The following CNTNAP2 variants were observed in gnomAD, a reference collection of about 807,000 sequenced individuals.
CNTNAP2 encodes the protein contactin-associated protein-like 2.
CNTNAP2 carries 98 observed loss-of-function variants against 155.2 expected under a neutral mutation model. That is an observed-to-expected ratio of 0.63 (90% CI 0.54 to 0.75). CNTNAP2 has a LOEUF of 0.75. CNTNAP2 is among the 30% of genes least tolerant of loss of function. The pLI, the probability that CNTNAP2 is intolerant of heterozygous loss-of-function variation, is 0.00. For synonymous variants in CNTNAP2, 651 were observed against 631.2 expected (o/e 1.03, Z -0.47); for missense variants, 1,727 against 1,688.1 (o/e 1.02, Z -0.40).
At chr7:146,804,361 A>T (rs764383805) in intron 2 of CNTNAP2, among the ~76,000 whole-genome samples, 4 of 152,192 alleles carry the variant, frequency 2.6e-5, no homozygotes, top group Non-Finnish European at 5.9e-5. Flanking sequence ...AGGATTCCAA[A>T]TCATTTAAAA....
chr7:148,408,884 A>T (rs1181103877), intron 22 of CNTNAP2, among the ~76,000 whole-genome samples: 2 of 152,192 alleles, frequency 1.3e-5, no homozygotes, highest in African/African-American at 2.4e-5. Flanking sequence ...TTGAATTATT[A>T]CCCCCTTACA....
At chr7:148,217,124 T>A (rs564472550) in intron 18 of CNTNAP2, among the ~76,000 whole-genome samples, 164 bp from the exon 19 acceptor site, 2 of 150,134 alleles carry the variant, frequency 1.3e-5, no homozygotes, top group African/African-American at 4.9e-5. Flanking sequence ...TTTTTTTTGA[T>A]AAGAGTATTT....
intron 1 of CNTNAP2, among the ~76,000 whole-genome samples, chr7:146,682,187 C>T (rs538740918): frequency 6.6e-6 from 1 of 152,126 alleles, no homozygotes; most frequent in Admixed American, 6.5e-5. Context: ...ATTAGAGTGA[C>T]CTAGTTTCCT....
chr7:148,120,233 C>T (rs1278639226), intron 16 of CNTNAP2, among the ~76,000 whole-genome samples: 1 of 147,994 alleles, frequency 6.8e-6, no homozygotes, highest in African/African-American at 2.5e-5. Context: ...TTCTACTCAG[C>T]CCTCGGGGTC....
intron 1 of CNTNAP2, among the ~76,000 whole-genome samples, chr7:146,140,955 C>G (rs897324607): frequency 6.6e-6 from 1 of 152,118 alleles, no homozygotes; most frequent in Admixed American, 6.6e-5. Context: ...GAATTTCCCA[C>G]CACCCAGTGA....
intron 11 of CNTNAP2, among the ~76,000 whole-genome samples, chr7:147,503,728 GTC>G (rs1798859073): frequency 1.3e-5 from 2 of 151,252 alleles, no homozygotes; most frequent in African/African-American, 4.9e-5. Flanking sequence ...TCTGTGTAAT[GTC>G]TCTGGTATTT....
At position 146,149,767 on chromosome 7, in the gene CNTNAP2, A is replaced by G. The variant is rs925448532; in HGVS notation, c.97+32794A>G. 2.6e-5 allele frequency among the ~76,000 whole-genome samples: 4 copies of G among 152,194 alleles called. No homozygotes were observed. The East Asian group carries it at 7.7e-4, about 29-fold the overall frequency. On this transcript the variant is annotated intron_variant, in intron 1 of 23. Coordinates refer to ENST00000361727, the MANE Select transcript of CNTNAP2 (RefSeq NM_014141.6). ...GTAATTATAGATGGCACATAGACCT[A>G]AATATAAAATCTTAAGCTCAAAAGT...
At chr7:148,301,025 G>A (rs1585254552) in intron 21 of CNTNAP2, among the ~76,000 whole-genome samples, 1 of 152,094 alleles carries the variant, frequency 6.6e-6, no homozygotes, top group East Asian at 1.9e-4. Flanking sequence ...GCCAGGCATG[G>A]TGGCTCACAC....
chr7:147,173,623 C>T lies in CNTNAP2; in HGVS notation c.1348+41114C>T, dbSNP rs191476897. On this transcript the variant is annotated intron_variant, in intron 8 of 23. Coordinates refer to ENST00000361727, the MANE Select transcript of CNTNAP2 (RefSeq NM_014141.6). ...TACTGACCCCCACTTCAGAAATGCT[C>T]GATCTGTATAAACCGTACAACTAGA... 1.1e-4 allele frequency among the ~76,000 whole-genome samples: 17 copies of T among 152,226 alleles called. 1 individual carries two copies. The highest frequency in any genetic ancestry group is 3.1e-4 in the African/African-American group (13 of 41,504).
chr7:146,917,350 C>A (rs548135484), intron 3 of CNTNAP2, among the ~76,000 whole-genome samples: 2 of 151,904 alleles, frequency 1.3e-5, no homozygotes, highest in Non-Finnish European at 2.9e-5. Context: ...TAGTTTAAGT[C>A]CGTTGTTTGT....
At chr7:147,273,838 ATATT>A (rs1804823797) in intron 8 of CNTNAP2, among the ~76,000 whole-genome samples, 1 of 147,426 alleles carries the variant, frequency 6.8e-6, no homozygotes, top group South Asian at 2.1e-4. Context: ...TAAAAATGTA[ATATT>A]TAAACATATA....
At chr7:147,427,843 G>A (rs1180728846) in intron 10 of CNTNAP2, among the ~76,000 whole-genome samples, 1 of 152,052 alleles carries the variant, frequency 6.6e-6, no homozygotes, top group Non-Finnish European at 1.5e-5. Flanking sequence ...TGTTAAAGCT[G>A]CATTAGACAT....
intron 15 of CNTNAP2, among the ~76,000 whole-genome samples, chr7:148,015,500 C>T (rs542921851): frequency 2.0e-5 from 3 of 152,290 alleles, no homozygotes; most frequent in East Asian, 3.9e-4. Flanking sequence ...TCACAGAGAA[C>T]GAGCATTTTT....
rs150584751 is a variant in CNTNAP2 at position 147,340,319 on chromosome 7, A to G, written c.1498+40029A>G. On this transcript the variant is annotated intron_variant, in intron 9 of 23. Coordinates refer to ENST00000361727, the MANE Select transcript of CNTNAP2 (RefSeq NM_014141.6). ...AAAGGAACCATATTTTAGCACAAAT[A>G]TGTGTCCTTTATGTAAAATGTCACA... is the stretch of plus-strand genomic sequence containing the variant. Among the ~76,000 whole-genome samples the G allele has an allele frequency of 4.5e-3, 692 of 152,276 alleles. 7 individuals are homozygous for G. The highest frequency in any genetic ancestry group is 0.016 in the African/African-American group (662 of 41,570).
intron 21 of CNTNAP2, among the ~76,000 whole-genome samples, chr7:148,314,200 G>A (rs1274359303): frequency 6.6e-6 from 1 of 152,126 alleles, no homozygotes; most frequent in African/African-American, 2.4e-5. Flanking sequence ...TGGGACTAAG[G>A]GGACAGGTGG....
At chr7:147,596,483 C>T (rs12113033) in intron 12 of CNTNAP2, among the ~76,000 whole-genome samples, 7,012 of 152,122 alleles carry the variant, frequency 0.046, 555 homozygotes, top group African/African-American at 0.16. Flanking sequence ...TGCTTCCCTG[C>T]TTAAAACCTG....
At chr7:148,371,696 A>T (rs1431516516) in intron 21 of CNTNAP2, among the ~76,000 whole-genome samples, 4 of 152,212 alleles carry the variant, frequency 2.6e-5, no homozygotes, top group African/African-American at 9.6e-5. Context: ...AGTGTCATTA[A>T]GCAATTTCAT....
chr7:146,748,349 G>T (rs149572245), intron 1 of CNTNAP2, among the ~76,000 whole-genome samples: 9,390 of 151,896 alleles, frequency 0.062, 480 homozygotes, highest in East Asian at 0.14. Flanking sequence ...GTTTCACCGT[G>T]TTAGCCAGGA....
intron 3 of CNTNAP2, among the ~76,000 whole-genome samples, chr7:146,961,913 A>G (rs903766853): frequency 2.6e-5 from 4 of 152,128 alleles, no homozygotes; most frequent in African/African-American, 7.2e-5. Flanking sequence ...TGTGCTACAG[A>G]CTTGGAGTGA....
Sources: allele counts gnomAD v4.1 joint callset (sites outside exome capture counted in the v4.1 genomes callset), GRCh38; gene constraint gnomAD v4.1.1; transcripts MANE v1.5; gene names NCBI Gene and HGNC (gene_info 2026-07-23, HGNC 2026-07-21).